ARHGEF9: variants seen among roughly 807,000 people sequenced by gnomAD.
The protein encoded by ARHGEF9 is Cdc42 guanine nucleotide exchange factor 9.
A neutral mutation model predicts 41.3 loss-of-function variants in ARHGEF9; 2 were observed. The observed-to-expected ratio is 0.05, with a 90% CI of 0.02 to 0.15. The LOEUF (loss-of-function observed/expected upper bound fraction) is 0.15. ARHGEF9 is among the 10% of genes least tolerant of loss of function. ARHGEF9 has a pLI of 1.00. For missense variants in ARHGEF9, 225 were observed against 424.7 expected (o/e 0.53, Z 4.13); for synonymous variants, 160 against 154.4 (o/e 1.04, Z -0.27).
intron 1 of ARHGEF9, among the ~76,000 whole-genome samples, chrX:63,746,487 G>A (rs186600596): frequency 7.3e-4 from 81 of 111,617 alleles, no homozygotes; most frequent in African/African-American, 2.6e-3. Flanking sequence ...AAGCACTGCA[G>A]GATGTGGTAT....
Position 63,724,767 on chromosome X carries a change from TC to T in ARHGEF9, c.31-57del, listed in dbSNP as rs1336013596. 2.5e-5 allele frequency: 27 copies of T among 1,100,737 alleles called. No individual in the cohort carries two copies. The East Asian group carries it at 7.8e-4, about 32-fold the overall frequency. 90.7% of individuals were successfully genotyped at this position (1,100,737 alleles called of 1,213,427 possible). On this transcript the variant is annotated intron_variant, in intron 1 of 9. Coordinates refer to ENST00000671741, the MANE Select transcript of ARHGEF9 (RefSeq NM_001353921.2). ...CCACACAGCTACCTTGCTTGCCCCT[TC>T]CCCCACCCACAGAGCTCTACTACTT...
intron 3 of ARHGEF9, among the ~76,000 whole-genome samples, chrX:63,699,639 C>A (rs1352809512): frequency 8.9e-6 from 1 of 111,912 alleles, no homozygotes; most frequent in Non-Finnish European, 1.9e-5. Context: ...TATGTTATGG[C>A]AGGGGATATA....
At chrX:63,781,609 C>T (rs1481957834) in intron 1 of ARHGEF9, among the ~76,000 whole-genome samples, 6 of 111,802 alleles carry the variant, frequency 5.4e-5, no homozygotes, top group African/African-American at 2.0e-4. Context: ...TATAGATCAT[C>T]TCCACCATTA....
chrX:63,663,435 T>A (rs182150159), intron 7 of ARHGEF9, among the ~76,000 whole-genome samples: 185 of 111,426 alleles, frequency 1.7e-3, no homozygotes, highest in Non-Finnish European at 2.4e-3. Flanking sequence ...TTTTTAAATA[T>A]GAGATCATCA....
intron 8 of ARHGEF9, among the ~76,000 whole-genome samples, chrX:63,645,776 T>C (rs2048004102): frequency 8.9e-6 from 1 of 112,069 alleles, no homozygotes; most frequent in Non-Finnish European, 1.9e-5. Flanking sequence ...ATGGGATTTC[T>C]AGTTCTAGAT....
At chrX:63,783,039 A>AT (rs2056406192) in intron 1 of ARHGEF9, among the ~76,000 whole-genome samples, 2 of 112,033 alleles carry the variant, frequency 1.8e-5, no homozygotes, top group Admixed American at 1.9e-4. Context: ...ATATTATGAG[A>AT]TTTTTCCCCA....
At chrX:63,775,246 G>A (rs1331588607) in intron 1 of ARHGEF9, among the ~76,000 whole-genome samples, 1 of 112,595 alleles carries the variant, frequency 8.9e-6, no homozygotes, top group Non-Finnish European at 1.9e-5. Flanking sequence ...AACTAGTTAA[G>A]CCACTGTGGA....
chrX:63,760,675 G>A (rs1374913919), intron 1 of ARHGEF9, among the ~76,000 whole-genome samples: 5 of 111,439 alleles, frequency 4.5e-5, no homozygotes, highest in Non-Finnish European at 9.4e-5. Flanking sequence ...CCCTGTGTAG[G>A]TATCCTCTCT....
Position 63,678,576 on chromosome X carries a change from TG to T in ARHGEF9, c.583-5del. 8.5e-7 allele frequency: 1 copy of T among 1,174,905 alleles called. No individual in the cohort carries two copies. The highest frequency in any genetic ancestry group is 2.3e-4 in the Middle Eastern group (1 of 4,278). On this transcript the variant is annotated splice_region_variant and splice_polypyrimidine_tract_variant and intron_variant, in intron 4 of 9. Transcript: ENST00000671741. ...AGTATATCCAGAATCCATCTTGCTG[TG>T]GGAAAAGAAAAAAAGGAAAGGAAAA... is the stretch of plus-strand genomic sequence containing the variant.
intron 4 of ARHGEF9, among the ~76,000 whole-genome samples, chrX:63,691,457 A>C (rs1275059482): frequency 9.0e-6 from 1 of 111,222 alleles, no homozygotes; most frequent in Non-Finnish European, 1.9e-5. Flanking sequence ...TAAAAATAAA[A>C]AGCACTGCTG....
chrX:63,781,011 A>G (rs1294377987), intron 1 of ARHGEF9, among the ~76,000 whole-genome samples: 1 of 112,088 alleles, frequency 8.9e-6, no homozygotes, highest in Non-Finnish European at 1.9e-5. Context: ...CAATTCTGTC[A>G]TTCTGTGTGA....
intron 4 of ARHGEF9, among the ~76,000 whole-genome samples, chrX:63,694,070 C>A (rs1421891977): frequency 9.1e-6 from 1 of 109,797 alleles, no homozygotes; most frequent in East Asian, 2.9e-4. Context: ...GTAATCCCAG[C>A]TACTTGGGAC....
chrX:63,649,818 G>A (rs1465446243), intron 8 of ARHGEF9, among the ~76,000 whole-genome samples: 1 of 111,446 alleles, frequency 9.0e-6, no homozygotes. Context: ...ACACCTCTAC[G>A]CAAATAAACT....
chrX:63,756,210 A>T (rs2055924646), intron 1 of ARHGEF9, among the ~76,000 whole-genome samples: 1 of 112,146 alleles, frequency 8.9e-6, no homozygotes, highest in South Asian at 3.7e-4. Flanking sequence ...TCACCTCAGA[A>T]AAAAACAATT....
At chrX:63,645,799 A>T (rs868968801) in intron 8 of ARHGEF9, among the ~76,000 whole-genome samples, 1 of 111,837 alleles carries the variant, frequency 8.9e-6, no homozygotes, top group Non-Finnish European at 1.9e-5. Flanking sequence ...CTGAGGAATC[A>T]CCACACTGAC....
chrX:63,782,198 T>C (rs1199079103), intron 1 of ARHGEF9, among the ~76,000 whole-genome samples: 1 of 111,897 alleles, frequency 8.9e-6, no homozygotes, highest in African/African-American at 3.3e-5. Context: ...TCCCCTGAAC[T>C]TAGATCAGTG....
At chrX:63,719,557 T>C (rs2053521342) in intron 2 of ARHGEF9, 2 of 290,007 alleles carry the variant, frequency 6.9e-6, no homozygotes, top group Non-Finnish European at 6.0e-6. Flanking sequence ...CACATTGTTT[T>C]GGAACTCTAG....
At position 63,754,259 on chromosome X, in the gene ARHGEF9, T is replaced by C. The variant is rs201858082; in HGVS notation, c.31-29548A>G. The stretch of plus-strand genomic sequence containing the variant: ...TAGGCAACTATACGCGCAGGCATTC[T>C]TAAAAGACAAGACACGACAAAAGAT... On this transcript the variant is annotated intron_variant, in intron 1 of 9. Coordinates refer to ENST00000671741, the MANE Select transcript of ARHGEF9 (RefSeq NM_001353921.2). The C allele has an allele frequency of 6.7e-6, 8 of 1,186,963 alleles. No individual in the cohort carries two copies. In the East Asian group the frequency reaches 2.4e-4, roughly 35 times the overall value.
chrX:63,715,386 C>G lies in ARHGEF9; in HGVS notation c.211-8937G>C, dbSNP rs180868365. 2.7e-5 allele frequency among the ~76,000 whole-genome samples: 3 copies of G among 111,084 alleles called. No individual in the cohort carries two copies. The East Asian group carries it at 8.5e-4, about 32-fold the overall frequency. On this transcript the variant is annotated intron_variant, in intron 2 of 9. Transcript: ENST00000671741. Reference sequence around the variant, plus strand: ...CGCTAAGCAGAATGCTGAAATCAAGCTGACCTGAGTTACCCATCTCACAGA... The same window carrying G: ...CGCTAAGCAGAATGCTGAAATCAAGGTGACCTGAGTTACCCATCTCACAGA...
Sources: allele counts gnomAD v4.1 joint callset (sites outside exome capture counted in the v4.1 genomes callset), GRCh38; gene constraint gnomAD v4.1.1; transcripts MANE v1.5; gene names NCBI Gene and HGNC (gene_info 2026-07-23, HGNC 2026-07-21).